The following HERC2 variants were observed in gnomAD, a reference collection of about 807,000 sequenced individuals.
HERC2 encodes E3 ubiquitin-protein ligase HERC2.
In HERC2, 102 loss-of-function variants were observed where a neutral mutation model predicts 537.7. The ratio of observed to expected loss-of-function variants is 0.19; its 90% confidence interval spans 0.16 to 0.22. The LOEUF (loss-of-function observed/expected upper bound fraction) is 0.22. Ranked by LOEUF, HERC2 falls within the 10% of genes least tolerant of loss-of-function variation. The probability of loss-of-function intolerance (pLI) is 1.00; values close to 1 mark genes in which losing one functional copy is unlikely to be tolerated. For missense variants in HERC2, 4,236 were observed against 6,198.2 expected (o/e 0.68, Z 10.63); for synonymous variants, 2,224 against 2,466.2 (o/e 0.90, Z 2.91).
At chr15:28,158,961 G>T (rs1353719811) in intron 69 of HERC2, among the ~76,000 whole-genome samples, 1 of 152,126 alleles carries the variant, frequency 6.6e-6, no homozygotes, top group Non-Finnish European at 1.5e-5. Context: ...GCATTTGCTT[G>T]TCTGTAAAGG....
chr15:28,265,882 G>A lies in HERC2; in HGVS notation c.1691C>T (p.Ala564Val), dbSNP rs367923183. 5.0e-6 allele frequency: 8 copies of A among 1,614,020 alleles called. No individual in the cohort carries two copies. The highest frequency in any genetic ancestry group is 3.3e-5 in the Admixed American group (2 of 59,990). ...VHIACGSTYS[A>V]AITAEGELYT... is the part of the protein sequence containing the mutation. ...CAGCTCCCCCTCGGCAGTGATGGCC[G>A]CACTGTAAGTGCTCCCGCAAGCGAT... The change falls in exon 13 of 93, where the codon GCG becomes GTG. Residue 564 changes from alanine to valine, a missense_variant. Ala to Val is a moderately conservative substitution (Grantham distance 64). Around this residue, in one of 27 missense-constraint regions of HERC2, gnomAD observed 754 missense variants for 1,085.0 expected, o/e 0.69. Coordinates refer to ENST00000261609, the MANE Select transcript of HERC2 (RefSeq NM_004667.6). The surrounding 1 kb of genome is among the most constrained non-coding windows in gnomAD (Gnocchi z 4.0).
intron 70 of HERC2, among the ~76,000 whole-genome samples, chr15:28,148,977 C>T (rs1038487245): frequency 6.6e-6 from 1 of 151,014 alleles, no homozygotes; most frequent in African/African-American, 2.4e-5. Flanking sequence ...AGTAAAATTA[C>T]CAAAAAAACA....
At chr15:28,195,141 T>C (rs6497287) in intron 52 of HERC2, among the ~76,000 whole-genome samples, 16,134 of 152,196 alleles carry the variant, frequency 0.11, 1,198 homozygotes, top group East Asian at 0.29. Context: ...GTTTTTGCAT[T>C]GTTTAGGTGG....
chr15:28,274,920 T>C lies in HERC2; in HGVS notation c.628A>G (p.Arg210Gly). The C allele has an allele frequency of 1.2e-6, 2 of 1,611,562 alleles. No homozygotes were observed. The highest frequency in any genetic ancestry group is 1.1e-5 in the South Asian group (1 of 91,066). Reference sequence around the variant, plus strand: ...GGGACCGTACCTGATCGCCAGGCCCTGCGCAGGAAGGCAAAGGCAAAAGAC... The same window carrying C: ...GGGACCGTACCTGATCGCCAGGCCCCGCGCAGGAAGGCAAAGGCAAAAGAC... Reference protein sequence around the residue: ...ALSFAFAFLRRAWRSGEDADL... With the variant: ...ALSFAFAFLRGAWRSGEDADL... The change falls in exon 6 of 93, where the codon AGG becomes GGG. Residue 210 changes from arginine (R) to glycine (G), a missense_variant. Transcript: ENST00000261609.
chr15:28,264,264 G>A (rs919964231), intron 14 of HERC2, among the ~76,000 whole-genome samples: 2 of 152,176 alleles, frequency 1.3e-5, no homozygotes, highest in African/African-American at 4.8e-5. Flanking sequence ...CAGGAAAGCA[G>A]CCACAGACAG....
intron 16 of HERC2, among the ~76,000 whole-genome samples, chr15:28,258,138 A>G (rs2075316865): frequency 6.6e-6 from 1 of 152,188 alleles, no homozygotes; most frequent in Non-Finnish European, 1.5e-5. Context: ...GAACAGAACA[A>G]TCTACAAACA....
At chr15:28,263,771 C>T (rs966906356) in intron 14 of HERC2, among the ~76,000 whole-genome samples, 1 of 152,004 alleles carries the variant, frequency 6.6e-6, no homozygotes, top group African/African-American at 2.4e-5. Flanking sequence ...GTAGCTCACA[C>T]CTGTAATCCC....
intron 20 of HERC2, among the ~76,000 whole-genome samples, chr15:28,251,574 G>C (rs943668935): frequency 1.4e-4 from 22 of 152,184 alleles, no homozygotes; most frequent in African/African-American, 5.3e-4. Flanking sequence ...GCCAAGGCGG[G>C]CAGATTACTT....
At chr15:28,280,311 T>C (rs1436327380) in intron 4 of HERC2, 24 bp from the exon 5 acceptor site, 2 of 1,573,218 alleles carry the variant, frequency 1.3e-6, no homozygotes, top group Non-Finnish European at 1.7e-6. Context: ...CAAGAAAACA[T>C]CTCACCTGTG....
chr15:28,274,870 G>T, intron 6 of HERC2, 35 bp downstream of exon 6: 1 of 1,515,312 alleles, frequency 6.6e-7, no homozygotes. Flanking sequence ...GATGTATTAG[G>T]GAAGCAGAAC....
At chr15:28,224,979 C>A (rs372809346) in intron 35 of HERC2, among the ~76,000 whole-genome samples, 2 of 152,218 alleles carry the variant, frequency 1.3e-5, no homozygotes, top group Non-Finnish European at 2.9e-5. Context: ...TTCTGTGCTG[C>A]GCCAAAAGCA....
rs543780915 is a variant in HERC2 at position 28,149,050 on chromosome 15, T to G, written c.10901-2706A>C. On this transcript the variant is annotated intron_variant, in intron 70 of 92. Transcript: ENST00000261609. ...CGCACAAACGTACATTCTAGTAAAA[T>G]TACCGAAAAAACAAACGAGACTCCT... Among the ~76,000 whole-genome samples the G allele has an allele frequency of 2.2e-3, 305 of 140,748 alleles. 1 individual carries two copies. The highest frequency in any genetic ancestry group is 3.8e-3 in the Non-Finnish European group (250 of 65,176). 92.3% of individuals were successfully genotyped at this position (140,748 alleles called of 152,430 possible). A position where few individuals can be genotyped will look rare whatever the true frequency, so the allele number is the denominator to read the frequency against.
chr15:28,114,931 T>G, intron 89 of HERC2, 129 bp from the exon 90 acceptor site: 1 of 688,740 alleles, frequency 1.5e-6, no homozygotes. Flanking sequence ...AGGCTGCAAG[T>G]GCATGGCACA....
At chr15:28,203,830 G>A (rs942068394) in intron 45 of HERC2, 4 of 151,900 alleles carry the variant, frequency 2.6e-5, no homozygotes, top group African/African-American at 4.8e-5. Flanking sequence ...AAGAGCCTGC[G>A]CTCGGCACAA....
chr15:28,112,158 CAT>C lies in HERC2; in HGVS notation c.14233-125_14233-124del, dbSNP rs1887713772. On this transcript the variant is annotated intron_variant, in intron 92 of 92. Coordinates refer to ENST00000261609, the MANE Select transcript of HERC2 (RefSeq NM_004667.6). ...TTGCTAAGAACAAAACAGCAGAAAA[CAT>C]AATCCAAACAACTTTAGGAGTAACG... The C allele has an allele frequency of 5.4e-6, 5 of 934,500 alleles. No homozygotes were observed. In the Admixed American group the frequency reaches 9.7e-5, roughly 18 times the overall value. 57.9% of individuals were successfully genotyped at this position (934,500 alleles called of 1,614,324 possible). A position where few individuals can be genotyped will look rare whatever the true frequency, so the allele number is the denominator to read the frequency against.
intron 25 of HERC2, among the ~76,000 whole-genome samples, chr15:28,237,507 T>C (rs1304252271): frequency 6.6e-6 from 1 of 152,226 alleles, no homozygotes; most frequent in Non-Finnish European, 1.5e-5. Flanking sequence ...CAAGTATTAG[T>C]GGACTGTGAC....
chr15:28,270,797 A>G lies in HERC2; in HGVS notation c.1155T>C (p.Leu385=), dbSNP rs1246687169. 6.2e-7 allele frequency: 1 copy of G among 1,613,992 alleles called. No homozygotes were observed. The highest frequency in any genetic ancestry group is 1.7e-5 in the Admixed American group (1 of 60,014). The stretch of plus-strand genomic sequence containing the variant: ...CCGCCGTTTGTCGCAGATCAATGGC[A>G]AGCTCGTTGTCTTGTGGAAGGGTGA... ...RYLTLPQDNE[L]AIDLRQTAVV... The change falls in exon 10 of 93, where the codon CTT becomes CTC. Residue 385 remains leucine, a synonymous_variant. Transcript: ENST00000261609.
intron 2 of HERC2, among the ~76,000 whole-genome samples, chr15:28,302,755 C>G (rs2076669952): frequency 6.9e-6 from 1 of 144,226 alleles, no homozygotes; most frequent in Admixed American, 7.1e-5. Flanking sequence ...CTCTGATGAC[C>G]AACCATGTTG....
At chr15:28,210,868 G>T in intron 44 of HERC2, 134 bp downstream of exon 44, 2 of 829,836 alleles carry the variant, frequency 2.4e-6, no homozygotes, top group South Asian at 1.5e-5. Flanking sequence ...GTTGGTGGTT[G>T]CTGGGCAGGC....
Sources: allele counts gnomAD v4.1 joint callset (sites outside exome capture counted in the v4.1 genomes callset), GRCh38; gene constraint gnomAD v4.1.1; regional missense constraint gnomAD v4.1.1; non-coding constraint Gnocchi (gnomAD v3.1); transcripts MANE v1.5; gene names NCBI Gene and HGNC (gene_info 2026-07-23, HGNC 2026-07-21).